ATP6V0D2: variants seen among roughly 807,000 people sequenced by gnomAD.
ATP6V0D2 encodes ATPase H+ transporting V0 subunit d2, also known as V-type proton ATPase subunit d 2.
Under a neutral mutation model 40.0 loss-of-function variants are expected in ATP6V0D2, and 40 were observed. That is an observed-to-expected ratio of 1.00 (90% CI 0.78 to 1.30). The LOEUF (loss-of-function observed/expected upper bound fraction) is 1.30, where lower values mean the gene tolerates loss of function less well. Among genes scored for constraint, ATP6V0D2 ranks in the 50% most tolerant of loss-of-function variants. ATP6V0D2 has a pLI of 0.00. For missense variants in ATP6V0D2, 470 were observed against 423.1 expected (o/e 1.11, Z -0.97); for synonymous variants, 179 against 156.3 (o/e 1.15, Z -1.08).
At chr8:86,147,359 CA>C (rs1399394328) in intron 5 of ATP6V0D2, among the ~76,000 whole-genome samples, 1 of 151,634 alleles carries the variant, frequency 6.6e-6, no homozygotes, top group Non-Finnish European at 1.5e-5. Flanking sequence ...CTTGAAATAA[CA>C]AAAAAAATAA....
chr8:86,111,404 A>G (rs1352175090), intron 1 of ATP6V0D2, among the ~76,000 whole-genome samples: 1 of 152,132 alleles, frequency 6.6e-6, no homozygotes, highest in African/African-American at 2.4e-5. Context: ...TGAGTTATCA[A>G]AATGAAAGAT....
chr8:86,149,809 T>C (rs1390654596), intron 5 of ATP6V0D2, among the ~76,000 whole-genome samples: 1 of 152,072 alleles, frequency 6.6e-6, no homozygotes, highest in African/African-American at 2.4e-5. Context: ...CTTGTGACAC[T>C]AGCGGCCTAA....
Position 86,130,106 on chromosome 8 carries a change from A to G in ATP6V0D2, c.303-9351A>G, listed in dbSNP as rs561645268. The stretch of plus-strand genomic sequence containing the variant: ...CTTCCCCATCAGGTCACCAAAAGCT[A>G]TTCTAATAGCTAAGTCCAATGGATA... On this transcript the variant is annotated intron_variant, in intron 2 of 7. Transcript: ENST00000285393. Among the ~76,000 whole-genome samples the G allele has an allele frequency of 5.8e-4, 89 of 152,148 alleles. 1 individual carries two copies. In the South Asian group the frequency reaches 0.016, roughly 28 times the overall value.
chr8:86,152,794 G>C, intron 7 of ATP6V0D2, 22 bp from the exon 8 acceptor site: 2 of 1,581,706 alleles, frequency 1.3e-6, no homozygotes, highest in Non-Finnish European at 1.7e-6. Context: ...GATGATCTGT[G>C]TTACTTTTTT....
rs141842401 is a variant in ATP6V0D2 at position 86,137,924 on chromosome 8, A to G, written c.303-1533A>G. On this transcript the variant is annotated intron_variant, in intron 2 of 7. Coordinates refer to ENST00000285393, the MANE Select transcript of ATP6V0D2 (RefSeq NM_152565.1). ...CACAGTGTTGCAGCTATGGTTTGAA[A>G]AGATAACTTTTTGTAAAGCACCTCA... is the stretch of plus-strand genomic sequence containing the variant. Among the ~76,000 whole-genome samples the G allele has an allele frequency of 2.9e-3, 443 of 152,308 alleles. 3 individuals are homozygous for G. The highest frequency in any genetic ancestry group is 0.01 in the African/African-American group (422 of 41,568).
rs768677899 is a variant in ATP6V0D2 at position 86,113,712 on chromosome 8, T to G, written c.134T>G (p.Leu45Arg). 9 of 1,593,880 alleles carry G rather than the reference T, an allele frequency of 5.6e-6. No individual in the cohort carries two copies. In the South Asian group the frequency reaches 9.1e-5, roughly 16 times the overall value. ...NLVQCETLED[L>R]KIHLQTTDYG... Reference sequence around the variant, plus strand: ...TTGGGGTTTCATTTAATTTCAGACCTGAAAATTCATCTCCAGACTACTGAT... The same window carrying G: ...TTGGGGTTTCATTTAATTTCAGACCGGAAAATTCATCTCCAGACTACTGAT... The change falls in exon 2 of 8, where the codon CTG (leucine) becomes CGG (arginine). Residue 45 changes from leucine (L) to arginine (R), a missense_variant. Transcript: ENST00000285393.
intron 2 of ATP6V0D2, among the ~76,000 whole-genome samples, chr8:86,120,872 A>G (rs942818135): frequency 1.1e-4 from 17 of 152,150 alleles, no homozygotes; most frequent in African/African-American, 4.1e-4. Context: ...CTAGTTTATA[A>G]TAAGGCAAAC....
At chr8:86,139,701 A>G (rs895791669) in intron 3 of ATP6V0D2, 66 bp downstream of exon 3, 2 of 1,466,516 alleles carry the variant, frequency 1.4e-6, no homozygotes, top group Admixed American at 2.5e-5. Context: ...AAAATGTACT[A>G]TTTTTTTCTT....
intron 1 of ATP6V0D2, among the ~76,000 whole-genome samples, chr8:86,108,936 G>T (rs912699875): frequency 6.6e-6 from 1 of 152,016 alleles, no homozygotes; most frequent in Non-Finnish European, 1.5e-5. Flanking sequence ...TTGTTAAAAT[G>T]GTGTAATCTA....
intron 1 of ATP6V0D2, among the ~76,000 whole-genome samples, chr8:86,099,462 A>G (rs1818363969): frequency 6.6e-6 from 1 of 152,134 alleles, no homozygotes; most frequent in South Asian, 2.1e-4. Context: ...TGTTTTCTCT[A>G]TTTTGAAGTA....
At chr8:86,117,500 T>C (rs1818605122) in intron 2 of ATP6V0D2, among the ~76,000 whole-genome samples, 1 of 152,174 alleles carries the variant, frequency 6.6e-6, no homozygotes, top group South Asian at 2.1e-4. Flanking sequence ...AGGAAGGAAT[T>C]GTGGATATAC....
intron 3 of ATP6V0D2, 101 bp downstream of exon 3, chr8:86,139,736 C>A: frequency 7.5e-7 from 1 of 1,337,330 alleles, no homozygotes; most frequent in Non-Finnish European, 1.0e-6. Flanking sequence ...AGAAAATGTA[C>A]TTTGATTTCA....
intron 6 of ATP6V0D2, among the ~76,000 whole-genome samples, chr8:86,150,650 A>G (rs1376513462): frequency 1.3e-5 from 2 of 152,138 alleles, no homozygotes; most frequent in Admixed American, 6.6e-5. Flanking sequence ...CAGCCCTTTC[A>G]GGTACCCACT....
At chr8:86,142,434 A>G (rs1464189479) in intron 4 of ATP6V0D2, among the ~76,000 whole-genome samples, 2 of 152,214 alleles carry the variant, frequency 1.3e-5, no homozygotes, top group South Asian at 4.1e-4. Flanking sequence ...GTTGGGATCC[A>G]AACTCAGGCA....
intron 2 of ATP6V0D2, among the ~76,000 whole-genome samples, chr8:86,117,690 C>A (rs1818608206): frequency 6.6e-6 from 1 of 152,176 alleles, no homozygotes; most frequent in East Asian, 1.9e-4. Flanking sequence ...TATGGACTTA[C>A]ATAGGACTCA....
chr8:86,141,156 C>G (rs1028428365), intron 3 of ATP6V0D2, among the ~76,000 whole-genome samples: 5 of 152,198 alleles, frequency 3.3e-5, no homozygotes, highest in Admixed American at 3.3e-4. Flanking sequence ...CACTCTCTGG[C>G]CCACTGTTCA....
At position 86,149,052 on chromosome 8, in the gene ATP6V0D2, G is replaced by GAAAAAAAAAAAAAAAAAAAAAAAA. The variant is rs1166858589; in HGVS notation, c.640-1058_640-1057insAAAAAAAAAAAAAAAAAAAAAAAA. Reference sequence around the variant, plus strand: ...ACAGAGTGAGACCCAATCTCCAAAGGAAGAAAAAAAAAAAAAAAAAAAACC... The same window carrying GAAAAAAAAAAAAAAAAAAAAAAAA: ...ACAGAGTGAGACCCAATCTCCAAAGGAAAAAAAAAAAAAAAAAAAAAAAAAAGAAAAAAAAAAAAAAAAAAAACC... On this transcript the variant is annotated intron_variant, in intron 5 of 7. Transcript: ENST00000285393. Among the ~76,000 whole-genome samples, 4 of 69,000 alleles carry GAAAAAAAAAAAAAAAAAAAAAAAA rather than the reference G, an allele frequency of 5.8e-5. 2 individuals are homozygous for GAAAAAAAAAAAAAAAAAAAAAAAA. Among genetic ancestry groups the GAAAAAAAAAAAAAAAAAAAAAAAA allele is most frequent in the African/African-American group, 2.6e-4 (4 of 15,258 alleles). The allele number at this position is 69,000 out of a possible 152,430, so 45.3% of individuals were successfully genotyped here.
intron 5 of ATP6V0D2, among the ~76,000 whole-genome samples, chr8:86,143,441 G>C (rs1038224614): frequency 6.6e-6 from 1 of 152,192 alleles, no homozygotes; most frequent in Admixed American, 6.5e-5. Context: ...AGGGCTGCTG[G>C]TTACCTATTT....
At chr8:86,142,681 T>C (rs1287153031) in intron 4 of ATP6V0D2, among the ~76,000 whole-genome samples, 196 bp from the exon 5 acceptor site, 16 of 152,234 alleles carry the variant, frequency 1.1e-4, no homozygotes, top group African/African-American at 3.9e-4. Flanking sequence ...TTTGTCCTTT[T>C]CTGGAATTCT....
Sources: allele counts gnomAD v4.1 joint callset (sites outside exome capture counted in the v4.1 genomes callset), GRCh38; gene constraint gnomAD v4.1.1; transcripts MANE v1.5; gene names NCBI Gene and HGNC (gene_info 2026-07-23, HGNC 2026-07-21).